ARHGEF38: variants seen among roughly 807,000 people sequenced by gnomAD.
ARHGEF38 encodes Rho guanine nucleotide exchange factor (GEF) 38.
ARHGEF38 carries 79 observed loss-of-function variants against 79.9 expected under a neutral mutation model. The observed-to-expected ratio is 0.99, with a 90% CI of 0.82 to 1.19. The LOEUF (loss-of-function observed/expected upper bound fraction) is 1.19. Ranked by LOEUF, ARHGEF38 falls within the 50% of genes most tolerant of loss-of-function variation. The probability of loss-of-function intolerance (pLI) is 0.00; values close to 1 mark genes in which losing one functional copy is unlikely to be tolerated. For missense variants in ARHGEF38, 962 were observed against 907.2 expected, an observed-to-expected ratio of 1.06 and a Z score of -0.78; for synonymous variants, 366 against 328.3, an observed-to-expected ratio of 1.11 and a Z score of -1.24.
intron 9 of ARHGEF38, 44 bp downstream of exon 9, chr4:105,655,766 G>A (rs373599968): frequency 3.3e-6 from 5 of 1,505,422 alleles, no homozygotes; most frequent in East Asian, 2.5e-5. Context: ...TAAATAGTGA[G>A]GTTGAAAGGA....
rs1288005177 is a variant in ARHGEF38, at chr4:105,678,156, G to A, written c.*219G>A. The A allele has an allele frequency of 2.6e-6, 1 of 378,326 alleles. No homozygotes were observed. Among genetic ancestry groups the A allele is most frequent in the Non-Finnish European group, 4.6e-6 (1 of 215,394 alleles). The allele number at this position is 378,326 out of a possible 1,614,324, so 23.4% of individuals were successfully genotyped here. Reference sequence around the variant, plus strand: ...AAGAAATACTAAGCCAACAGAAATAGCAAAGCAAATGACCCAAGCTTCAAC... The same window carrying A: ...AAGAAATACTAAGCCAACAGAAATAACAAAGCAAATGACCCAAGCTTCAAC... On this transcript the variant is annotated 3_prime_UTR_variant, in exon 14 of 14. Coordinates refer to ENST00000420470, the MANE Select transcript of ARHGEF38 (RefSeq NM_001242729.2).
intron 1 of ARHGEF38, among the ~76,000 whole-genome samples, chr4:105,575,087 A>T (rs1456008490): frequency 6.6e-6 from 1 of 152,070 alleles, no homozygotes; most frequent in African/African-American, 2.4e-5. Context: ...GGTTGGCTTC[A>T]TATCTTTGCA....
chr4:105,598,526 T>C (rs1055498678), intron 2 of ARHGEF38, among the ~76,000 whole-genome samples: 1 of 152,224 alleles, frequency 6.6e-6, no homozygotes, highest in African/African-American at 2.4e-5. Flanking sequence ...ACTAAGGTGC[T>C]GACTTGAAAA....
At chr4:105,677,290 C>A (rs1731157513) in intron 13 of ARHGEF38, among the ~76,000 whole-genome samples, 1 of 152,066 alleles carries the variant, frequency 6.6e-6, no homozygotes, top group African/African-American at 2.4e-5. Context: ...CTACAAATCT[C>A]CTTAGTATGA....
chr4:105,587,445 G>T (rs775757961), intron 1 of ARHGEF38, among the ~76,000 whole-genome samples: 1 of 152,092 alleles, frequency 6.6e-6, no homozygotes, highest in African/African-American at 2.4e-5. Flanking sequence ...TATAGCTCAT[G>T]TGGATTATGA....
chr4:105,593,592 T>C (rs979319971), intron 2 of ARHGEF38, among the ~76,000 whole-genome samples: 6 of 152,088 alleles, frequency 3.9e-5, no homozygotes, highest in Admixed American at 3.9e-4. Flanking sequence ...AGAAAAGTCT[T>C]TCTTTGAATT....
chr4:105,662,260 T>A (rs961625644), intron 10 of ARHGEF38, among the ~76,000 whole-genome samples: 1 of 152,158 alleles, frequency 6.6e-6, no homozygotes, highest in Non-Finnish European at 1.5e-5. Context: ...GTTCTTGGTA[T>A]TTTTCTCCTT....
Position 105,655,556 on chromosome 4 carries a change from C to T in ARHGEF38, c.1114-47C>T, listed in dbSNP as rs1578352401. On this transcript the variant is annotated intron_variant, in intron 8 of 13. Coordinates refer to ENST00000420470, the MANE Select transcript of ARHGEF38 (RefSeq NM_001242729.2). ...CCACATTTGGGATATGTTAATTATA[C>T]TGACCTCAAAACTTGCCTTTTTTGT... 6.5e-6 allele frequency: 10 copies of T among 1,528,062 alleles called. No individual in the cohort carries two copies. In the East Asian group the frequency reaches 2.2e-4, roughly 34 times the overall value. 94.7% of individuals were successfully genotyped at this position (1,528,062 alleles called of 1,614,324 possible).
chr4:105,599,831 A>G (rs1578297501), intron 2 of ARHGEF38, among the ~76,000 whole-genome samples: 1 of 152,194 alleles, frequency 6.6e-6, no homozygotes. Flanking sequence ...GAGTTAATTA[A>G]CTAATTAATT....
Position 105,679,798 on chromosome 4 carries a change from C to A in ARHGEF38, c.*1861C>A. On this transcript the variant is annotated 3_prime_UTR_variant, in exon 14 of 14. Coordinates refer to ENST00000420470, the MANE Select transcript of ARHGEF38 (RefSeq NM_001242729.2). ...AAACCCCTGTCTGTCCAGCTTTACCCACGCATCCAGAGAGATGGATATAGG... is the reference window on the plus strand; with the variant it reads ...AAACCCCTGTCTGTCCAGCTTTACCAACGCATCCAGAGAGATGGATATAGG... 1 of 1,097,096 alleles carries A rather than the reference C, an allele frequency of 9.1e-7. No homozygotes were observed. Among genetic ancestry groups the A allele is most frequent in the South Asian group, 1.3e-5 (1 of 79,770 alleles). 68.0% of individuals were successfully genotyped at this position (1,097,096 alleles called of 1,614,324 possible).
intron 7 of ARHGEF38, among the ~76,000 whole-genome samples, chr4:105,651,511 G>A (rs948107051): frequency 2.6e-5 from 4 of 152,100 alleles, no homozygotes; most frequent in Admixed American, 6.6e-5. Flanking sequence ...GACTGCTTGG[G>A]GTTGAATCCT....
chr4:105,600,040 T>C (rs1174584760), intron 2 of ARHGEF38, among the ~76,000 whole-genome samples: 1 of 152,204 alleles, frequency 6.6e-6, no homozygotes, highest in Non-Finnish European at 1.5e-5. Flanking sequence ...AACTGAGCTA[T>C]ATTTCATGAA....
intron 2 of ARHGEF38, 41 bp from the exon 3 acceptor site, chr4:105,613,343 A>T (rs1374608260): frequency 6.2e-7 from 1 of 1,601,152 alleles, no homozygotes; most frequent in East Asian, 2.2e-5. Context: ...CATCCTAAAT[A>T]CAGTGCTTCT....
At chr4:105,609,705 C>T (rs11944125) in intron 2 of ARHGEF38, among the ~76,000 whole-genome samples, 1,587 of 152,016 alleles carry the variant, frequency 0.01, 26 homozygotes, top group African/African-American at 0.036. Flanking sequence ...ATTTTAAAAC[C>T]TAGTAATTAT....
intron 3 of ARHGEF38, among the ~76,000 whole-genome samples, chr4:105,618,535 C>T (rs1728604162): frequency 1.3e-5 from 2 of 152,080 alleles, no homozygotes; most frequent in Non-Finnish European, 1.5e-5. Context: ...GCAGGAGAAT[C>T]GCTTGAACCC....
chr4:105,563,980 C>T (rs965971853), intron 1 of ARHGEF38, among the ~76,000 whole-genome samples: 1 of 152,116 alleles, frequency 6.6e-6, no homozygotes, highest in Non-Finnish European at 1.5e-5. Context: ...ATTATCTAGT[C>T]TTTGAAAACT....
At chr4:105,604,927 A>G (rs1338116209) in intron 2 of ARHGEF38, among the ~76,000 whole-genome samples, 5 of 152,170 alleles carry the variant, frequency 3.3e-5, no homozygotes, top group African/African-American at 7.2e-5. Flanking sequence ...AAAGTTTCCA[A>G]ATTACTTTCT....
In ARHGEF38 at chr4:105,589,288, C is replaced by G. The variant is rs375614795; in HGVS notation, c.237C>G (p.Thr79=). 2.6e-5 allele frequency: 42 copies of G among 1,613,870 alleles called. No homozygotes were observed. Among genetic ancestry groups the G allele is most frequent in the Admixed American group, 2.3e-4 (14 of 59,986 alleles). The change falls in exon 2 of 14, where the codon ACC becomes ACG. Residue 79 remains threonine, a synonymous_variant. Coordinates refer to ENST00000420470, the MANE Select transcript of ARHGEF38 (RefSeq NM_001242729.2). ...AGGGTGAGTGTTCTGTAGCTGAGAC[C>G]TTAACCCCAGAGGAAGAGCATCATA... The part of the protein sequence containing the change: ...TPQGECSVAE[T]LTPEEEHHMK...
chr4:105,566,102 C>T (rs899863182), intron 1 of ARHGEF38, among the ~76,000 whole-genome samples: 1 of 152,086 alleles, frequency 6.6e-6, no homozygotes, highest in Admixed American at 6.6e-5. Context: ...TAATCATGTC[C>T]CTCATTTATT....
Sources: allele counts gnomAD v4.1 joint callset (sites outside exome capture counted in the v4.1 genomes callset), GRCh38; gene constraint gnomAD v4.1.1; transcripts MANE v1.5; gene names NCBI Gene and HGNC (gene_info 2026-07-23, HGNC 2026-07-21).